IL1RAPL1: variants seen among roughly 807,000 people sequenced by gnomAD.
IL1RAPL1 encodes the protein interleukin 1 receptor accessory protein like 1.
A neutral mutation model predicts 48.4 loss-of-function variants in IL1RAPL1; 3 were observed. The observed-to-expected ratio is 0.06, with a 90% CI of 0.03 to 0.16. IL1RAPL1 has a LOEUF of 0.16. IL1RAPL1 is among the 10% of genes least tolerant of loss of function. The pLI, the probability that IL1RAPL1 is intolerant of heterozygous loss-of-function variation, is 1.00. For missense variants in IL1RAPL1, 349 were observed against 530.6 expected, an observed-to-expected ratio of 0.66 and a Z score of 3.36; for synonymous variants, 185 against 187.7, an observed-to-expected ratio of 0.99 and a Z score of 0.12.
intron 3 of IL1RAPL1, among the ~76,000 whole-genome samples, chrX:29,335,083 G>C (rs1232592331): frequency 6.3e-5 from 7 of 111,404 alleles, no homozygotes; most frequent in African/African-American, 2.3e-4. Context: ...AGACCAGCCC[G>C]GCCAACACAG....
At chrX:29,029,578 A>G (rs1298191542) in intron 2 of IL1RAPL1, among the ~76,000 whole-genome samples, 1 of 111,890 alleles carries the variant, frequency 8.9e-6, no homozygotes, top group Non-Finnish European at 1.9e-5. Flanking sequence ...CTGCAGAGAG[A>G]TGAGTGCTGG....
At chrX:28,977,390 G>A (rs1223311418) in intron 2 of IL1RAPL1, among the ~76,000 whole-genome samples, 1 of 111,788 alleles carries the variant, frequency 8.9e-6, no homozygotes, top group Non-Finnish European at 1.9e-5. Flanking sequence ...AAGAGAGAGA[G>A]TGGGGAGGAG....
intron 6 of IL1RAPL1, among the ~76,000 whole-genome samples, chrX:29,828,714 C>A (rs927495702): frequency 5.4e-5 from 6 of 111,751 alleles, no homozygotes; most frequent in Non-Finnish European, 9.4e-5. Context: ...TTTTTGGAAT[C>A]TCTACAGTTA....
chrX:29,802,921 A>ATGTG (rs373340795), intron 6 of IL1RAPL1, among the ~76,000 whole-genome samples: 1 of 42,270 alleles, frequency 2.4e-5, no homozygotes, highest in African/African-American at 1.1e-4. Flanking sequence ...ATGTGTACAT[A>ATGTG]TATACATATA....
At position 29,904,559 on chromosome X, in the gene IL1RAPL1, T is replaced by TCC. The variant is rs72280971; in HGVS notation, c.779-12902_779-12901dup. Among the ~76,000 whole-genome samples, 9 of 97,931 alleles carry TCC rather than the reference T, an allele frequency of 9.2e-5. No homozygotes were observed. The Admixed American group carries it at 1.2e-3, about 13-fold the overall frequency. The allele number at this position is 97,931 out of a possible 115,157, so 85.0% of individuals were successfully genotyped here. On this transcript the variant is annotated intron_variant, in intron 6 of 10. Transcript: ENST00000378993. ...CCCGACAGGCCCCAGTGTGTGATGT[T>TCC]CCCCTCCCTATTCCATGTGTTCTCA...
intron 1 of IL1RAPL1, among the ~76,000 whole-genome samples, chrX:28,692,630 G>A (rs989167880): frequency 7.2e-5 from 8 of 111,610 alleles, no homozygotes; most frequent in African/African-American, 2.6e-4. Flanking sequence ...ATTTTAATAA[G>A]AACTATTAGG....
chrX:29,381,529 A>AAAAAAAAAAAT (rs1933700478), intron 3 of IL1RAPL1, among the ~76,000 whole-genome samples: 1 of 89,681 alleles, frequency 1.1e-5, no homozygotes, highest in African/African-American at 4.4e-5. Flanking sequence ...AAAAAAAAAA[A>AAAAAAAAAAAT]CTTAGCTGGA....
chrX:28,985,804 C>G (rs189332929), intron 2 of IL1RAPL1, among the ~76,000 whole-genome samples: 101 of 109,541 alleles, frequency 9.2e-4, no homozygotes, highest in African/African-American at 3.1e-3. Context: ...GGACTACAGG[C>G]GCCCGCCACC....
intron 2 of IL1RAPL1, among the ~76,000 whole-genome samples, chrX:28,959,046 G>T (rs1247642923): frequency 1.8e-5 from 2 of 110,563 alleles, no homozygotes; most frequent in East Asian, 5.7e-4. Flanking sequence ...GATACGTGAC[G>T]ATCAGCATAT....
intron 6 of IL1RAPL1, among the ~76,000 whole-genome samples, chrX:29,890,419 G>T (rs992365511): frequency 7.1e-5 from 8 of 111,966 alleles, no homozygotes; most frequent in Non-Finnish European, 1.5e-4. Flanking sequence ...GGCTGCAGTG[G>T]TTGGGGTATG....
chrX:29,822,936 T>A (rs933704164), intron 6 of IL1RAPL1, among the ~76,000 whole-genome samples: 9 of 111,595 alleles, frequency 8.1e-5, no homozygotes, highest in African/African-American at 2.6e-4. Flanking sequence ...GATGAGGAAT[T>A]TGATATGATA....
Position 29,249,935 on chromosome X carries a change from A to C in IL1RAPL1, c.83-33003A>C, listed in dbSNP as rs147292121. On this transcript the variant is annotated intron_variant, in intron 2 of 10. Coordinates refer to ENST00000378993, the MANE Select transcript of IL1RAPL1 (RefSeq NM_014271.4). ...GATAAATGAAATTCCCAGGTATTAC[A>C]CAATTTACATCAAAGTATTTTCTAA... 7.2e-4 allele frequency among the ~76,000 whole-genome samples: 81 copies of C among 112,324 alleles called. 1 individual carries two copies. The East Asian group carries it at 0.019, about 26-fold the overall frequency.
chrX:29,303,483 A>G (rs911865794), intron 3 of IL1RAPL1, among the ~76,000 whole-genome samples: 2 of 111,904 alleles, frequency 1.8e-5, no homozygotes, highest in Admixed American at 9.5e-5. Flanking sequence ...GAAAAGTATT[A>G]TAATACAGCA....
chrX:29,332,854 C>G (rs1233254453), intron 3 of IL1RAPL1, among the ~76,000 whole-genome samples: 3,206 of 84,076 alleles, frequency 0.038, no homozygotes, highest in Non-Finnish European at 0.07. Flanking sequence ...TGACTCTTAA[C>G]GAGCATGCTG....
At chrX:29,076,413 C>G (rs1410892780) in intron 2 of IL1RAPL1, among the ~76,000 whole-genome samples, 1 of 111,976 alleles carries the variant, frequency 8.9e-6, no homozygotes, top group Non-Finnish European at 1.9e-5. Context: ...CCATATGTTG[C>G]ATATGACAAA....
At chrX:28,919,628 A>G (rs749997555) in intron 2 of IL1RAPL1, among the ~76,000 whole-genome samples, 13 of 112,179 alleles carry the variant, frequency 1.2e-4, no homozygotes, top group African/African-American at 4.2e-4. Context: ...GGAAATAGGC[A>G]TAATGACATC....
At chrX:29,637,720 T>A (rs192685560) in intron 5 of IL1RAPL1, among the ~76,000 whole-genome samples, 1 of 111,604 alleles carries the variant, frequency 9.0e-6, no homozygotes, top group Non-Finnish European at 1.9e-5. Context: ...TCCCATTACA[T>A]TGGAAAAGCT....
chrX:29,202,202 G>A (rs1374381241), intron 2 of IL1RAPL1, among the ~76,000 whole-genome samples: 1 of 111,381 alleles, frequency 9.0e-6, no homozygotes, highest in Admixed American at 9.5e-5. Context: ...GTGGGCAAAG[G>A]ACATGAACAG....
chrX:29,329,626 A>C (rs183004864), intron 3 of IL1RAPL1, among the ~76,000 whole-genome samples: 1,564 of 110,455 alleles, frequency 0.014, 25 homozygotes, highest in African/African-American at 0.049. Context: ...CAGCCTGGCC[A>C]ACAGGGAGAA....
Sources: allele counts gnomAD v4.1 joint callset (sites outside exome capture counted in the v4.1 genomes callset), GRCh38; gene constraint gnomAD v4.1.1; transcripts MANE v1.5; gene names NCBI Gene and HGNC (gene_info 2026-07-23, HGNC 2026-07-21).